The following ABCD2 variants were observed in gnomAD, a reference collection of about 807,000 sequenced individuals.
ABCD2 encodes the protein ATP-binding cassette sub-family D member 2.
ABCD2 carries 36 observed loss-of-function variants against 70.9 expected under a neutral mutation model. The ratio of observed to expected loss-of-function variants is 0.51; its 90% CI spans 0.39 to 0.67. The LOEUF (loss-of-function observed/expected upper bound fraction) is 0.67. Ranked by LOEUF, ABCD2 falls within the 30% of genes least tolerant of loss-of-function variation. The pLI is 0.00. For missense variants in ABCD2, 729 were observed against 890.2 expected (o/e 0.82, Z 2.30); for synonymous variants, 304 against 306.9 (o/e 0.99, Z 0.10).
At chr12:39,566,103 G>A (rs936796199) in intron 9 of ABCD2, among the ~76,000 whole-genome samples, 3 of 152,040 alleles carry the variant, frequency 2.0e-5, no homozygotes, top group African/African-American at 7.2e-5. Flanking sequence ...TTTTTGTTGT[G>A]TCTCTGCCCG....
chr12:39,552,064 T>G lies in ABCD2; in HGVS notation c.*1848A>C, dbSNP rs1941095853. On this transcript the variant is annotated 3_prime_UTR_variant, in exon 10 of 10. Coordinates refer to ENST00000308666, the MANE Select transcript of ABCD2 (RefSeq NM_005164.4). Reference sequence around the variant, plus strand: ...TTCCATGCTTCTTAAAAAAAAATCTTTAATTCCTGCCTCACTTTTCTAACA... The same window carrying G: ...TTCCATGCTTCTTAAAAAAAAATCTGTAATTCCTGCCTCACTTTTCTAACA... The G allele has an allele frequency of 6.6e-6, 1 of 151,868 alleles. No individual in the cohort carries two copies. Among genetic ancestry groups the G allele is most frequent in the Non-Finnish European group, 1.5e-5 (1 of 67,798 alleles). 9.4% of individuals were successfully genotyped at this position (151,868 alleles called of 1,614,324 possible). A position where few individuals can be genotyped will look rare whatever the true frequency, so the allele number is the denominator to read the frequency against.
At chr12:39,577,562 C>T (rs1223883600) in intron 8 of ABCD2, among the ~76,000 whole-genome samples, 3 of 152,022 alleles carry the variant, frequency 2.0e-5, no homozygotes, top group Non-Finnish European at 1.5e-5. Context: ...AGAGATGTAA[C>T]AATAAAATGC....
intron 8 of ABCD2, among the ~76,000 whole-genome samples, chr12:39,575,813 C>A (rs994830033): frequency 1.3e-4 from 20 of 152,322 alleles, no homozygotes; most frequent in Admixed American, 3.3e-4. Flanking sequence ...TTATGTGGCT[C>A]ACTAAATTTT....
intron 9 of ABCD2, among the ~76,000 whole-genome samples, chr12:39,570,077 C>T (rs183183107): frequency 2.1e-3 from 327 of 152,190 alleles, no homozygotes; most frequent in Middle Eastern, 0.02. Context: ...TGTAAGGAAT[C>T]GAAGAAGACA....
At chr12:39,615,030 A>C (rs1942096959) in intron 2 of ABCD2, among the ~76,000 whole-genome samples, 1 of 150,490 alleles carries the variant, frequency 6.6e-6, no homozygotes, top group South Asian at 2.1e-4. Context: ...TCTTTAATTT[A>C]ATATGGTATT....
chr12:39,554,060 A>T lies in ABCD2; in HGVS notation c.2075T>A (p.Ile692Asn), dbSNP rs944259941. The T allele has an allele frequency of 1.1e-5, 18 of 1,613,634 alleles. No homozygotes were observed. The highest frequency in any genetic ancestry group is 1.4e-5 in the Non-Finnish European group (17 of 1,179,836). Residue 692 changes from isoleucine to asparagine, a missense_variant, in exon 10 of 10, where the codon ATC (isoleucine) becomes AAC (asparagine). Around this residue, in one of 3 missense-constraint regions of ABCD2, gnomAD observed 289 missense variants for 328.8 expected, o/e 0.88. Coordinates refer to ENST00000308666, the MANE Select transcript of ABCD2 (RefSeq NM_005164.4). Reference protein sequence around the residue: ...GWRFEQLDTAIRLTLSEEKQK... With the variant: ...GWRFEQLDTANRLTLSEEKQK... ...TTTTTCTTCACTCAATGTCAAACGGATAGCAGTATCCAATTGTTCAAAGCG... is the reference window on the plus strand; with the variant it reads ...TTTTTCTTCACTCAATGTCAAACGGTTAGCAGTATCCAATTGTTCAAAGCG...
At chr12:39,541,814 G>A in the ABCD2 span, among the ~76,000 whole-genome samples, 1 of 152,048 alleles carries the variant, frequency 6.6e-6, no homozygotes, top group African/African-American at 2.4e-5. Context: ...CATATAGTAT[G>A]AGAATGAACA....
In ABCD2 at chr12:39,570,697, C is replaced by T. The variant is rs75316417; in HGVS notation, c.2003+3019G>A. On this transcript the variant is annotated intron_variant, in intron 9 of 9. Transcript: ENST00000308666. ...TGAAATGACAATGAAATTTGGGCAACGAGTTTTGGATATGACCTCAAGAGC... is the reference window on the plus strand; with the variant it reads ...TGAAATGACAATGAAATTTGGGCAATGAGTTTTGGATATGACCTCAAGAGC... Among the ~76,000 whole-genome samples, 511 of 151,934 alleles carry T rather than the reference C, an allele frequency of 3.4e-3. 3 individuals carry two copies. Among genetic ancestry groups the T allele is most frequent in the African/African-American group, 7.2e-3 (299 of 41,394 alleles).
intron 8 of ABCD2, among the ~76,000 whole-genome samples, chr12:39,577,961 A>G (rs1021448477): frequency 2.0e-5 from 3 of 152,202 alleles, no homozygotes; most frequent in Non-Finnish European, 4.4e-5. Context: ...AAAAAAATGA[A>G]TAGCCAACTG....
At chr12:39,536,617 T>G in the ABCD2 span, among the ~76,000 whole-genome samples, 1 of 152,238 alleles carries the variant, frequency 6.6e-6, no homozygotes, top group Non-Finnish European at 1.5e-5. Flanking sequence ...TTGTTGTTGT[T>G]GTTGTTGTTT....
intron 4 of ABCD2, 35 bp downstream of exon 4, chr12:39,604,727 A>C: frequency 1.3e-6 from 2 of 1,482,548 alleles, no homozygotes; most frequent in Non-Finnish European, 1.8e-6. Flanking sequence ...AAATACTTAA[A>C]TATAGGAAAA....
chr12:39,615,198 C>G (rs901852901), intron 2 of ABCD2, among the ~76,000 whole-genome samples: 10 of 151,770 alleles, frequency 6.6e-5, no homozygotes, highest in Non-Finnish European at 1.2e-4. Flanking sequence ...GTTGAATACT[C>G]CAGGGTTTTT....
In ABCD2 at chr12:39,550,367, AAATTATATTAT is replaced by A. The variant is rs1486612809; in HGVS notation, c.*3534_*3544del. On this transcript the variant is annotated 3_prime_UTR_variant, in exon 10 of 10. Transcript: ENST00000308666. ...GTTCAAGTAAATACACATCAGATGG[AAATTATATTAT>A]AATGTACTCACACACAGCCACAATT... The A allele has an allele frequency of 6.6e-6, 1 of 151,750 alleles. No homozygotes were observed. Among genetic ancestry groups the A allele is most frequent in the Non-Finnish European group, 1.5e-5 (1 of 67,714 alleles). 9.4% of individuals were successfully genotyped at this position (151,750 alleles called of 1,614,324 possible). A position where few individuals can be genotyped will look rare whatever the true frequency, so the allele number is the denominator to read the frequency against.
At chr12:39,605,035 T>C (rs562580532) in intron 3 of ABCD2, 105 bp from the exon 4 acceptor site, 1 of 889,682 alleles carries the variant, frequency 1.1e-6, no homozygotes, top group African/African-American at 1.7e-5. Flanking sequence ...AAAGATTATA[T>C]TGCATTATAC....
chr12:39,574,053 G>T (rs186981603), intron 8 of ABCD2, among the ~76,000 whole-genome samples: 1 of 151,972 alleles, frequency 6.6e-6, no homozygotes, highest in Non-Finnish European at 1.5e-5. Context: ...ATTTTCTGAC[G>T]CTTTCTAATA....
chr12:39,553,901 G>T lies in ABCD2; in HGVS notation c.*11C>A. ...ATCTAATAATTAACTTTTAAAATAT[G>T]TCAAAACAAATTAAGATGTCTCATC... On this transcript the variant is annotated 3_prime_UTR_variant, in exon 10 of 10. Coordinates refer to ENST00000308666, the MANE Select transcript of ABCD2 (RefSeq NM_005164.4). The T allele has an allele frequency of 6.3e-7, 1 of 1,582,530 alleles. No homozygotes were observed. Among genetic ancestry groups the T allele is most frequent in the Non-Finnish European group, 8.6e-7 (1 of 1,159,684 alleles).
chr12:39,611,496 A>G (rs1009696234), intron 2 of ABCD2, among the ~76,000 whole-genome samples: 1 of 152,156 alleles, frequency 6.6e-6, no homozygotes, highest in African/African-American at 2.4e-5. Context: ...TGTCATCTTG[A>G]CAAATCTTGA....
At chr12:39,591,264 T>TA (rs1171230497) in intron 6 of ABCD2, among the ~76,000 whole-genome samples, 1 of 152,178 alleles carries the variant, frequency 6.6e-6, no homozygotes, top group Non-Finnish European at 1.5e-5. Flanking sequence ...ATAGTATTCT[T>TA]AAAAAATGTG....
chr12:39,609,745 C>T (rs1942019918), intron 2 of ABCD2, among the ~76,000 whole-genome samples: 1 of 152,150 alleles, frequency 6.6e-6, no homozygotes, highest in South Asian at 2.1e-4. Context: ...TTATGCCTTG[C>T]TGTAATTACC....
Sources: gnomAD v4.1 joint callset for allele counts (sites outside exome capture counted in the v4.1 genomes callset) on GRCh38, gnomAD v4.1.1 for gene constraint, gnomAD v4.1.1 regional missense constraint, MANE v1.5 for transcripts, NCBI Gene and HGNC (gene_info 2026-07-23, HGNC 2026-07-21) for gene names.